Variants in OR1J2 observed in about 807,000 individuals in gnomAD.
OR1J2 encodes olfactory receptor family 1 subfamily J member 2.
For synonymous variants in OR1J2, 142 were observed against 99.7 expected (o/e 1.42, Z -2.52); for missense variants, 304 against 246.1 (o/e 1.24, Z -1.57).
At chr9:122,554,278 G>T in the OR1J2 span, 6 of 671,938 alleles carry the variant, frequency 8.9e-6, no homozygotes, top group African/African-American at 2.1e-5. Context: ...TTGACTCTGA[G>T]TTAGGGATGT....
the OR1J2 span, among the ~76,000 whole-genome samples, chr9:122,454,331 A>G: frequency 6.6e-6 from 1 of 152,128 alleles, no homozygotes; most frequent in Non-Finnish European, 1.5e-5. Flanking sequence ...CAGCCTGGCA[A>G]TATAGTGAAA....
At chr9:122,564,573 T>C in the OR1J2 span, among the ~76,000 whole-genome samples, 88,434 of 152,066 alleles carry the variant, frequency 0.58, 26,236 homozygotes, top group East Asian at 0.97. Flanking sequence ...CATCCCTGCT[T>C]AACTTTCCTA....
At chr9:122,453,927 A>G in the OR1J2 span, among the ~76,000 whole-genome samples, 1 of 152,204 alleles carries the variant, frequency 6.6e-6, no homozygotes, top group African/African-American at 2.4e-5. Context: ...GTGAGGTTCA[A>G]AGGCAGGAAT....
the OR1J2 span, among the ~76,000 whole-genome samples, chr9:122,529,930 G>A: frequency 6.6e-6 from 1 of 152,216 alleles, no homozygotes; most frequent in African/African-American, 2.4e-5. Flanking sequence ...CAAAGTAGAT[G>A]TTCTTAATTT....
chr9:122,477,284 G>C, the OR1J2 span: 2 of 1,614,168 alleles, frequency 1.2e-6, no homozygotes, highest in East Asian at 4.5e-5. Flanking sequence ...TAAGAAACCA[G>C]GATGCACAGG....
At chr9:122,531,102 G>A in the OR1J2 span, among the ~76,000 whole-genome samples, 6 of 152,280 alleles carry the variant, frequency 3.9e-5, no homozygotes, top group East Asian at 1.2e-3. Flanking sequence ...AGAGATAATG[G>A]GCGATGTTTC....
chr9:122,461,366 A>G, the OR1J2 span, among the ~76,000 whole-genome samples: 1 of 150,962 alleles, frequency 6.6e-6, no homozygotes, highest in South Asian at 2.1e-4. Context: ...ATCTATTGAG[A>G]TAATCATGTT....
upstream of OR1J2, chr9:122,510,675 T>G: frequency 1.6e-6 from 1 of 609,790 alleles, no homozygotes; most frequent in Admixed American, 2.8e-5. Flanking sequence ...TAGGCCCCAG[T>G]GTGTGTTGTT....
At chr9:122,554,110 T>C in the OR1J2 span, 3 of 1,613,732 alleles carry the variant, frequency 1.9e-6, no homozygotes, top group Non-Finnish European at 2.5e-6. Flanking sequence ...AACAGAGACA[T>C]GAAGGAGGCT....
In OR1J2 at chr9:122,510,974, C is replaced by T. The variant is rs150299329; in HGVS notation, c.173C>T (p.Pro58Leu). 1 of 1,612,080 alleles carries T rather than the reference C, an allele frequency of 6.2e-7. No individual in the cohort carries two copies. The highest frequency in any genetic ancestry group is 8.5e-7 in the Non-Finnish European group (1 of 1,178,136). The change falls in exon 1 of 1, where the codon CCC becomes CTC. Residue 58 changes from proline to leucine, a missense_variant. Coordinates refer to ENST00000335302, the MANE Select transcript of OR1J2 (RefSeq NM_054107.1). ...CAGCTGGACTCTCACCTTCACACCC[C>T]CATGTACTTCTTCCTCAGCCACTTG... ...LIQLDSHLHT[P>L]MYFFLSHLAL...
At chr9:122,463,091 C>T in the OR1J2 span, among the ~76,000 whole-genome samples, 1 of 152,118 alleles carries the variant, frequency 6.6e-6, no homozygotes, top group Non-Finnish European at 1.5e-5. Context: ...AACATAACCC[C>T]AAACTTCTTG....
In OR1J2 at chr9:122,511,139, T is replaced by A. The variant is rs1331713748; in HGVS notation, c.338T>A (p.Phe113Tyr). 2.5e-6 allele frequency: 2 copies of A among 788,092 alleles called. No individual in the cohort carries two copies. Among genetic ancestry groups the A allele is most frequent in the Non-Finnish European group, 4.4e-6 (2 of 457,572 alleles). 48.8% of individuals were successfully genotyped at this position (788,092 alleles called of 1,614,324 possible). ...ATATTTTTTACTGACCTGGACAGCT[T>A]CCTTATTACATCAATGGCATATGAC... ...FFIFFTDLDS[F>Y]LITSMAYDRY... Residue 113 changes from phenylalanine (F) to tyrosine (Y), a missense_variant, in exon 1 of 1, where the codon TTC (phenylalanine) becomes TAC (tyrosine). Transcript: ENST00000335302.
At chr9:122,478,882 C>T in the OR1J2 span, among the ~76,000 whole-genome samples, 2 of 151,810 alleles carry the variant, frequency 1.3e-5, no homozygotes, top group Admixed American at 6.6e-5. Context: ...TGGGTTCAAG[C>T]GATTCTTCCA....
the OR1J2 span, among the ~76,000 whole-genome samples, chr9:122,452,111 C>A: frequency 2.0e-5 from 3 of 152,282 alleles, no homozygotes; most frequent in East Asian, 5.8e-4. Flanking sequence ...ATTTCCTGAC[C>A]TTGTGATCCA....
At chr9:122,509,777 G>A (rs1828597215), upstream of OR1J2, among the ~76,000 whole-genome samples, 1 of 152,108 alleles carries the variant, frequency 6.6e-6, no homozygotes, top group Non-Finnish European at 1.5e-5. Flanking sequence ...AAAGGTCAAT[G>A]GGAATCCTTT....
downstream of OR1J2, among the ~76,000 whole-genome samples, chr9:122,516,144 G>T (rs1828697346): frequency 6.6e-6 from 1 of 151,982 alleles, no homozygotes; most frequent in South Asian, 2.1e-4. Context: ...ATACAACTTT[G>T]ATTTGAATCC....
chr9:122,579,549 G>C, the OR1J2 span, among the ~76,000 whole-genome samples: 1 of 151,998 alleles, frequency 6.6e-6, no homozygotes, highest in Admixed American at 6.6e-5. Flanking sequence ...TATTACAAAG[G>C]GTATAAGTGA....
At chr9:122,547,778 A>G in the OR1J2 span, among the ~76,000 whole-genome samples, 1 of 152,136 alleles carries the variant, frequency 6.6e-6, no homozygotes, top group Non-Finnish European at 1.5e-5. Context: ...TCTTTTTGAT[A>G]TAGCAATTTC....
At chr9:122,484,411 C>T in the OR1J2 span, among the ~76,000 whole-genome samples, 2 of 152,094 alleles carry the variant, frequency 1.3e-5, no homozygotes, top group Admixed American at 6.6e-5. Context: ...CTGCCTGCCT[C>T]GGCCTCCCAA....
Sources: allele counts gnomAD v4.1 joint callset (sites outside exome capture counted in the v4.1 genomes callset), GRCh38; gene constraint gnomAD v4.1.1; transcripts MANE v1.5; gene names NCBI Gene and HGNC (gene_info 2026-07-23, HGNC 2026-07-21).